Variants in MGAT4C observed in about 807,000 individuals in gnomAD.
MGAT4C encodes the protein alpha-1,3-mannosyl-glycoprotein 4-beta-N-acetylglucosaminyltransferase C.
Under a neutral mutation model 40.1 loss-of-function variants are expected in MGAT4C, and 19 were observed. The observed-to-expected ratio is 0.47, with a 90% CI of 0.33 to 0.70. The LOEUF is 0.70. Among genes scored for constraint, MGAT4C ranks in the 30% least tolerant of loss-of-function variants. The probability of loss-of-function intolerance (pLI) is 0.02; values close to 1 mark genes in which losing one functional copy is unlikely to be tolerated. For missense variants in MGAT4C, 491 were observed against 563.2 expected (o/e 0.87, Z 1.30); for synonymous variants, 181 against 187.1 (o/e 0.97, Z 0.27).
At position 85,989,508 on chromosome 12, in the gene MGAT4C, T is replaced by A; in HGVS notation, c.39A>T (p.Ile13=). 1 of 1,604,684 alleles carries A rather than the reference T, an allele frequency of 6.2e-7. No individual in the cohort carries two copies. The highest frequency in any genetic ancestry group is 8.5e-7 in the Non-Finnish European group (1 of 1,174,502). The change falls in exon 3 of 5, where the codon ATA becomes ATT. Residue 13 remains isoleucine, a synonymous_variant. Transcript: ENST00000611864. ...KFHQMKHIFE[I]LDKMRCLRKR... The stretch of plus-strand genomic sequence containing the variant: ...TTCTCAGGCATCTCATTTTATCAAG[T>A]ATTTCAAAAATATGTTTCATTTGAT...
intron 2 of MGAT4C, among the ~76,000 whole-genome samples, chr12:86,679,591 T>C (rs1473811976): frequency 2.0e-5 from 3 of 151,862 alleles, no homozygotes; most frequent in Non-Finnish European, 4.4e-5. Flanking sequence ...TATTAGGAGG[T>C]GGGGCCATTT....
intron 4 of MGAT4C, among the ~76,000 whole-genome samples, chr12:86,304,351 A>G (rs537178521): frequency 5.3e-5 from 8 of 150,576 alleles, no homozygotes; most frequent in Non-Finnish European, 1.0e-4. Context: ...ATTTTTGTGA[A>G]AGAGCTTGAA....
chr12:86,837,067 GC>G (rs1221638312), intron 1 of MGAT4C, among the ~76,000 whole-genome samples: 3 of 152,044 alleles, frequency 2.0e-5, no homozygotes, highest in African/African-American at 7.2e-5. Flanking sequence ...TTCAGAGAGT[GC>G]ACTTCTGTAG....
intron 1 of MGAT4C, among the ~76,000 whole-genome samples, chr12:86,213,195 C>T (rs1950550179): frequency 6.6e-6 from 1 of 152,088 alleles, no homozygotes; most frequent in Admixed American, 6.5e-5. Context: ...CTTTGCTTTT[C>T]TGGCTTTTGG....
At chr12:86,389,356 C>T (rs140240022) in intron 3 of MGAT4C, among the ~76,000 whole-genome samples, 49 of 152,216 alleles carry the variant, frequency 3.2e-4, no homozygotes, top group African/African-American at 1.1e-3. Flanking sequence ...CATTCATGTC[C>T]CTGGAAAGGA....
chr12:86,611,946 T>A (rs188659626), intron 2 of MGAT4C, among the ~76,000 whole-genome samples: 8 of 152,260 alleles, frequency 5.3e-5, no homozygotes, highest in Non-Finnish European at 7.3e-5. Context: ...AGAAATTAAT[T>A]TGAGATTTGA....
intron 1 of MGAT4C, among the ~76,000 whole-genome samples, chr12:86,190,404 T>C (rs1889252018): frequency 6.6e-6 from 1 of 152,144 alleles, no homozygotes; most frequent in South Asian, 2.1e-4. Context: ...TCCTGTTAAT[T>C]GCAATATTCA....
At chr12:86,253,552 TATA>T (rs1313105560) in intron 1 of MGAT4C, among the ~76,000 whole-genome samples, 1 of 151,988 alleles carries the variant, frequency 6.6e-6, no homozygotes, top group African/African-American at 2.4e-5. Context: ...TAATTGTATA[TATA>T]CACAAGGTTG....
chr12:86,558,624 C>T (rs1377956544), intron 2 of MGAT4C, among the ~76,000 whole-genome samples: 2 of 152,000 alleles, frequency 1.3e-5, no homozygotes, highest in East Asian at 3.9e-4. Context: ...CATCACTAAA[C>T]CAGTCCTATA....
rs1161224954 is a variant in MGAT4C at position 85,969,964 on chromosome 12, C to T, written c.*9325G>A. On this transcript the variant is annotated 3_prime_UTR_variant, in exon 5 of 5. Transcript: ENST00000611864. ...GCTTGGAACATATTTATGTAGTAAG[C>T]ATTGTTCTTGGCTGAGCTTACATTA... The T allele has an allele frequency of 6.6e-6, 1 of 151,330 alleles. No individual in the cohort carries two copies. Among genetic ancestry groups the T allele is most frequent in the Admixed American group, 6.6e-5 (1 of 15,146 alleles). The allele number at this position is 151,330 out of a possible 1,614,324, so 9.4% of individuals were successfully genotyped here. A position where few individuals can be genotyped will look rare whatever the true frequency, so the allele number is the denominator to read the frequency against.
intron 1 of MGAT4C, among the ~76,000 whole-genome samples, chr12:86,231,248 T>C (rs2136015318): frequency 6.6e-6 from 1 of 152,330 alleles, no homozygotes; most frequent in East Asian, 1.9e-4. Context: ...AGAGAACTTT[T>C]CTGGAGCAAA....
chr12:86,567,790 C>A (rs1960196524), intron 2 of MGAT4C, among the ~76,000 whole-genome samples: 1 of 152,132 alleles, frequency 6.6e-6, no homozygotes, highest in African/African-American at 2.4e-5. Context: ...GTATTTCTTC[C>A]TTATTTTGTT....
intron 3 of MGAT4C, among the ~76,000 whole-genome samples, chr12:86,390,014 G>A (rs1372041191): frequency 2.6e-5 from 4 of 152,148 alleles, no homozygotes. Flanking sequence ...TCCTTTCTTA[G>A]AGAGCATGCA....
At chr12:86,355,966 TA>T (rs1370870495) in intron 3 of MGAT4C, among the ~76,000 whole-genome samples, 2 of 152,132 alleles carry the variant, frequency 1.3e-5, no homozygotes, top group African/African-American at 4.8e-5. Flanking sequence ...ATACATATGA[TA>T]GCCACTCCAC....
intron 2 of MGAT4C, among the ~76,000 whole-genome samples, chr12:86,543,371 G>A (rs1959177794): frequency 6.6e-6 from 1 of 151,108 alleles, no homozygotes; most frequent in Non-Finnish European, 1.5e-5. Context: ...AAACATTCCA[G>A]ATTAACACCC....
chr12:86,002,684 T>C (rs1292052745), intron 2 of MGAT4C, among the ~76,000 whole-genome samples: 1 of 149,504 alleles, frequency 6.7e-6, no homozygotes, highest in Non-Finnish European at 1.5e-5. Context: ...AATATACATA[T>C]ATCCCATTCT....
At chr12:86,146,406 G>A (rs1883519353) in intron 1 of MGAT4C, among the ~76,000 whole-genome samples, 1 of 152,120 alleles carries the variant, frequency 6.6e-6, no homozygotes, top group African/African-American at 2.4e-5. Flanking sequence ...ATGAGATACA[G>A]TTTTCTTCTT....
intron 2 of MGAT4C, among the ~76,000 whole-genome samples, chr12:86,437,125 T>C (rs2136274526): frequency 6.6e-6 from 1 of 151,904 alleles, no homozygotes; most frequent in African/African-American, 2.4e-5. Context: ...TCAGAATTTT[T>C]ATGTCTTTAT....
chr12:86,203,045 TGTGTGTGTG>T (rs1566138837), intron 1 of MGAT4C, among the ~76,000 whole-genome samples: 9 of 151,644 alleles, frequency 5.9e-5, no homozygotes, highest in East Asian at 5.8e-4. Context: ...TGTGTGTGTG[TGTGTGTGTG>T]TTTTTACATA....
Sources: allele counts gnomAD v4.1 joint callset (sites outside exome capture counted in the v4.1 genomes callset), GRCh38; gene constraint gnomAD v4.1.1; transcripts MANE v1.5; gene names NCBI Gene and HGNC (gene_info 2026-07-23, HGNC 2026-07-21).